Variants in ITPR2 observed in about 807,000 individuals in gnomAD.
ITPR2 encodes the protein inositol 1,4,5-trisphosphate-gated calcium channel ITPR2.
Under a neutral mutation model 317.1 loss-of-function variants are expected in ITPR2, and 207 were observed. That is an observed-to-expected ratio of 0.65 (90% CI 0.58 to 0.73). ITPR2 has a LOEUF of 0.73. ITPR2 is among the 30% of genes least tolerant of loss of function. The pLI, the probability that ITPR2 is intolerant of heterozygous loss-of-function variation, is 0.00. For missense variants in ITPR2, 2,613 were observed against 3,284.0 expected, an observed-to-expected ratio of 0.80 and a Z score of 4.99; for synonymous variants, 1,156 against 1,149.1, an observed-to-expected ratio of 1.01 and a Z score of -0.12.
chr12:26,441,305 T>TTC (rs1174386198), intron 46 of ITPR2, among the ~76,000 whole-genome samples: 1 of 152,142 alleles, frequency 6.6e-6, no homozygotes, highest in Admixed American at 6.5e-5. Context: ...CTCTTCCTAT[T>TTC]TCCCAGGGTC....
At chr12:26,605,104 A>AT (rs1565635083) in intron 26 of ITPR2, among the ~76,000 whole-genome samples, 1 of 79,428 alleles carries the variant, frequency 1.3e-5, no homozygotes, top group Admixed American at 1.1e-4. Context: ...AAAAAAAATA[A>AT]AAATAAAAAA....
intron 2 of ITPR2, among the ~76,000 whole-genome samples, chr12:26,775,731 A>T (rs1029951799): frequency 6.6e-6 from 1 of 151,886 alleles, no homozygotes; most frequent in Non-Finnish European, 1.5e-5. Flanking sequence ...AAGCAAGTAG[A>T]AAAACTTGAA....
intron 39 of ITPR2, among the ~76,000 whole-genome samples, chr12:26,490,133 T>C (rs936044771): frequency 2.0e-5 from 3 of 152,242 alleles, no homozygotes; most frequent in Admixed American, 6.5e-5. Flanking sequence ...TGAATGGCTA[T>C]AAAGCACTGT....
At chr12:26,483,021 A>T (rs1942581091) in intron 42 of ITPR2, among the ~76,000 whole-genome samples, 1 of 152,206 alleles carries the variant, frequency 6.6e-6, no homozygotes, top group African/African-American at 2.4e-5. Context: ...GCAAACTTTC[A>T]GGTGGCATCC....
intron 55 of ITPR2, among the ~76,000 whole-genome samples, chr12:26,355,742 T>C (rs1938619059): frequency 6.6e-6 from 1 of 152,166 alleles, no homozygotes; most frequent in African/African-American, 2.4e-5. Flanking sequence ...TTCCCCTCAG[T>C]CTTTCATCCC....
chr12:26,547,664 C>T lies in ITPR2; in HGVS notation c.5073+2583G>A, dbSNP rs140437770. ...TGGAATCAACCCAAATGTCCCTTGA[C>T]GGATGAATGGGTAAAGAAAATGTGA... is the stretch of plus-strand genomic sequence containing the variant. On this transcript the variant is annotated intron_variant, in intron 37 of 56. Transcript: ENST00000381340. Among the ~76,000 whole-genome samples the T allele has an allele frequency of 2.1e-3, 320 of 152,280 alleles. 1 individual carries two copies. Among genetic ancestry groups the T allele is most frequent in the African/African-American group, 7.4e-3 (306 of 41,572 alleles).
intron 1 of ITPR2, among the ~76,000 whole-genome samples, chr12:26,811,567 C>G (rs1221210339): frequency 6.6e-6 from 1 of 151,612 alleles, no homozygotes; most frequent in Non-Finnish European, 1.5e-5. Flanking sequence ...GGCGCCTGTA[C>G]TCCCAGCTAC....
At chr12:26,363,172 T>C (rs11608927) in intron 55 of ITPR2, among the ~76,000 whole-genome samples, 17,895 of 152,152 alleles carry the variant, frequency 0.12, 1,092 homozygotes, top group South Asian at 0.21. Flanking sequence ...ACGGTGGTAT[T>C]AGATTCTCAT....
At chr12:26,439,533 C>T (rs1296520565) in intron 46 of ITPR2, among the ~76,000 whole-genome samples, 1 of 152,164 alleles carries the variant, frequency 6.6e-6, no homozygotes, top group Admixed American at 6.5e-5. Context: ...ATCATGAACA[C>T]TATACTTTGC....
intron 41 of ITPR2, among the ~76,000 whole-genome samples, chr12:26,484,444 C>T (rs1942616976): frequency 6.6e-6 from 1 of 152,070 alleles, no homozygotes; most frequent in Admixed American, 6.6e-5. Flanking sequence ...TACAGCTCCA[C>T]TTCTAAAAAA....
intron 39 of ITPR2, 49 bp downstream of exon 39, chr12:26,494,104 C>A: frequency 1.4e-6 from 2 of 1,402,144 alleles, no homozygotes; most frequent in Non-Finnish European, 1.9e-6. Context: ...GACAAGTAAA[C>A]AAGAAATACC....
At chr12:26,779,159 G>C (rs1950032656) in intron 2 of ITPR2, among the ~76,000 whole-genome samples, 1 of 152,134 alleles carries the variant, frequency 6.6e-6, no homozygotes, top group Non-Finnish European at 1.5e-5. Context: ...GTGACAGATA[G>C]GGATGCTGTT....
intron 55 of ITPR2, among the ~76,000 whole-genome samples, chr12:26,381,341 G>T (rs73301056): frequency 0.011 from 1,678 of 152,250 alleles, 37 homozygotes; most frequent in African/African-American, 0.037. Flanking sequence ...GGGCTAAAAA[G>T]AAACCATTCA....
chr12:26,473,476 C>T (rs1942341175), intron 45 of ITPR2, among the ~76,000 whole-genome samples: 1 of 152,164 alleles, frequency 6.6e-6, no homozygotes, highest in African/African-American at 2.4e-5. Context: ...GACAACCTCC[C>T]CCATACAAAG....
chr12:26,476,146 G>A (rs1218757341), intron 44 of ITPR2, among the ~76,000 whole-genome samples: 2 of 152,148 alleles, frequency 1.3e-5, no homozygotes, highest in Non-Finnish European at 2.9e-5. Flanking sequence ...ACTTCACTTT[G>A]TCTCTCTTTT....
intron 2 of ITPR2, among the ~76,000 whole-genome samples, chr12:26,766,756 T>A (rs1949726836): frequency 6.6e-6 from 1 of 152,222 alleles, no homozygotes; most frequent in Non-Finnish European, 1.5e-5. Context: ...TTTTAGTTCT[T>A]ACGCTGAGGT....
chr12:26,495,402 A>C, intron 37 of ITPR2, 142 bp from the exon 38 acceptor site: 1 of 557,502 alleles, frequency 1.8e-6, no homozygotes. Flanking sequence ...ATATTTTCTG[A>C]GGCAAAAATT....
chr12:26,826,259 A>G (rs1051193020), intron 1 of ITPR2, among the ~76,000 whole-genome samples: 2 of 152,178 alleles, frequency 1.3e-5, no homozygotes, highest in Non-Finnish European at 1.5e-5. Context: ...ATTGAGGAAA[A>G]TATTTTTAAA....
chr12:26,435,407 T>C (rs145938076), intron 48 of ITPR2, among the ~76,000 whole-genome samples: 5 of 152,178 alleles, frequency 3.3e-5, no homozygotes, highest in African/African-American at 1.2e-4. Context: ...CATGAAATGA[T>C]GAGATGCAAA....
Sources: allele counts gnomAD v4.1 joint callset (sites outside exome capture counted in the v4.1 genomes callset), GRCh38; gene constraint gnomAD v4.1.1; transcripts MANE v1.5; gene names NCBI Gene and HGNC (gene_info 2026-07-23, HGNC 2026-07-21).